Variants in SOX6 observed in about 807,000 individuals in gnomAD.
The protein encoded by SOX6 is transcription factor SOX-6.
A neutral mutation model predicts 97.8 loss-of-function variants in SOX6; 11 were observed. That is an observed-to-expected ratio of 0.11 (90% CI 0.07 to 0.19). The LOEUF (loss-of-function observed/expected upper bound fraction) is 0.19, where lower values mean the gene tolerates loss of function less well. Among genes scored for constraint, SOX6 ranks in the 10% least tolerant of loss-of-function variants. The probability of loss-of-function intolerance (pLI) is 1.00; values close to 1 mark genes in which losing one functional copy is unlikely to be tolerated. For synonymous variants in SOX6, 360 were observed against 371.4 expected, an observed-to-expected ratio of 0.97 and a Z score of 0.35; for missense variants, 810 against 1,039.5, an observed-to-expected ratio of 0.78 and a Z score of 3.04.
intron 3 of SOX6, among the ~76,000 whole-genome samples, chr11:16,660,445 G>A (rs570560033): frequency 2.6e-4 from 40 of 152,152 alleles, no homozygotes; most frequent in African/African-American, 4.3e-4. Flanking sequence ...TTTTACTGTG[G>A]TCTGAGAGCA....
chr11:16,206,995 G>A (rs993693845), intron 4 of SOX6, among the ~76,000 whole-genome samples: 12 of 151,884 alleles, frequency 7.9e-5, no homozygotes, highest in Non-Finnish European at 1.3e-4. Flanking sequence ...TGCCCATCTC[G>A]CCTCATCTAA....
intron 13 of SOX6, among the ~76,000 whole-genome samples, chr11:15,989,809 C>A (rs1413938945): frequency 6.6e-6 from 1 of 151,896 alleles, no homozygotes; most frequent in African/African-American, 2.4e-5. Context: ...GCTAAGGAGA[C>A]CATGGTAAAT....
chr11:16,308,998 C>T (rs567809763), intron 3 of SOX6, among the ~76,000 whole-genome samples: 5 of 152,238 alleles, frequency 3.3e-5, no homozygotes, highest in Non-Finnish European at 5.9e-5. Context: ...GAAGGTGGAA[C>T]CAAAAGGTAT....
chr11:15,983,413 G>A (rs1460068453), intron 15 of SOX6, among the ~76,000 whole-genome samples: 1 of 152,032 alleles, frequency 6.6e-6, no homozygotes, highest in Non-Finnish European at 1.5e-5. Context: ...TAAAATGCAT[G>A]AAAATGTTGA....
chr11:16,083,219 C>G (rs1177683309), intron 9 of SOX6, among the ~76,000 whole-genome samples: 2 of 152,086 alleles, frequency 1.3e-5, no homozygotes, highest in Admixed American at 1.3e-4. Context: ...GATTGTGGGC[C>G]CTTCAGGGGC....
chr11:16,293,510 T>C (rs922276339), intron 3 of SOX6, among the ~76,000 whole-genome samples: 7 of 152,116 alleles, frequency 4.6e-5, no homozygotes, highest in African/African-American at 7.2e-5. Context: ...ATTTATTTCC[T>C]TCAGATGCCA....
intron 4 of SOX6, among the ~76,000 whole-genome samples, chr11:16,206,500 T>A (rs1209162071): frequency 6.6e-6 from 1 of 152,184 alleles, no homozygotes. Flanking sequence ...TGGAGTCAGA[T>A]TCCCCAGTTT....
chr11:16,283,773 T>C (rs923076372), intron 3 of SOX6: 1 of 274,036 alleles, frequency 3.6e-6, no homozygotes, highest in Non-Finnish European at 7.1e-6. Context: ...TCTTGTTATG[T>C]CAGAGAGGAA....
At chr11:16,177,754 T>C (rs553396527) in intron 6 of SOX6, among the ~76,000 whole-genome samples, 1 of 150,238 alleles carries the variant, frequency 6.7e-6, no homozygotes, top group South Asian at 2.1e-4. Flanking sequence ...AAAAAAAAAA[T>C]AGAAGAGAGA....
chr11:16,563,674 A>G (rs1368168897), intron 4 of SOX6, among the ~76,000 whole-genome samples: 1 of 152,218 alleles, frequency 6.6e-6, no homozygotes, highest in Non-Finnish European at 1.5e-5. Flanking sequence ...GGACAGAAGA[A>G]AGACAGTGAC....
chr11:16,499,340 C>T (rs1186110504), intron 4 of SOX6, among the ~76,000 whole-genome samples: 2 of 151,888 alleles, frequency 1.3e-5, no homozygotes, highest in Non-Finnish European at 2.9e-5. Flanking sequence ...GCACTAAATG[C>T]CCACAAGAGA....
At chr11:16,537,228 A>C (rs1861324107) in intron 4 of SOX6, among the ~76,000 whole-genome samples, 1 of 152,196 alleles carries the variant, frequency 6.6e-6, no homozygotes, top group Non-Finnish European at 1.5e-5. Flanking sequence ...GACCTATAGC[A>C]AAGGGGCCTG....
intron 6 of SOX6, among the ~76,000 whole-genome samples, chr11:16,182,498 A>G (rs1434891423): frequency 1.3e-5 from 2 of 151,854 alleles, no homozygotes; most frequent in African/African-American, 4.8e-5. Flanking sequence ...ACAAGGGAAC[A>G]CCTGGACAGT....
At chr11:16,454,443 C>T (rs1026683265) in intron 1 of SOX6, among the ~76,000 whole-genome samples, 2 of 151,906 alleles carry the variant, frequency 1.3e-5, no homozygotes, top group Admixed American at 1.3e-4. Context: ...AATATTCAAG[C>T]CATATTTATT....
At chr11:16,030,732 C>T (rs940039127) in intron 12 of SOX6, among the ~76,000 whole-genome samples, 5 of 152,112 alleles carry the variant, frequency 3.3e-5, no homozygotes, top group Admixed American at 6.5e-5. Flanking sequence ...TTGGTACAAC[C>T]GACCTGATTT....
intron 6 of SOX6, among the ~76,000 whole-genome samples, chr11:16,122,953 T>C (rs1360260845): frequency 1.3e-5 from 2 of 152,102 alleles, no homozygotes; most frequent in Non-Finnish European, 2.9e-5. Flanking sequence ...TTCCTTATAG[T>C]GATCTTTTCT....
intron 3 of SOX6, chr11:16,316,919 A>G (rs1303595260): frequency 1.3e-5 from 2 of 152,074 alleles, no homozygotes; most frequent in Admixed American, 6.6e-5. Flanking sequence ...TCTCTCAGCA[A>G]CACCTCCAGA....
At chr11:16,297,820 A>G (rs894968750) in intron 3 of SOX6, among the ~76,000 whole-genome samples, 2 of 152,188 alleles carry the variant, frequency 1.3e-5, no homozygotes, top group African/African-American at 4.8e-5. Context: ...ATGTTCAGCC[A>G]GTTTGCACAG....
intron 6 of SOX6, among the ~76,000 whole-genome samples, chr11:16,132,444 A>AAAGAAAAAAG: frequency 7.3e-5 from 2 of 27,242 alleles, no homozygotes; most frequent in South Asian, 2.4e-3. Flanking sequence ...AAAGAAAGAA[A>AAAGAAAAAAG]AAAGAAAGAA....
Sources: gnomAD v4.1 joint callset for allele counts (sites outside exome capture counted in the v4.1 genomes callset) on GRCh38, gnomAD v4.1.1 for gene constraint, MANE v1.5 for transcripts, NCBI Gene and HGNC (gene_info 2026-07-23, HGNC 2026-07-21) for gene names.